RIMS2: variants seen among roughly 807,000 people sequenced by gnomAD.
RIMS2 encodes the protein regulating synaptic membrane exocytosis protein 2.
In RIMS2, 59 loss-of-function variants were observed where a neutral mutation model predicts 174.4. That is an observed-to-expected ratio of 0.34 (90% CI 0.27 to 0.42). RIMS2 has a LOEUF of 0.42. Among genes scored for constraint, RIMS2 ranks in the 10% least tolerant of loss-of-function variants. RIMS2 has a pLI of 1.00. For synonymous variants in RIMS2, 606 were observed against 572.5 expected (o/e 1.06, Z -0.84); for missense variants, 1,620 against 1,666.3 (o/e 0.97, Z 0.48).
rs117032277 is a variant in RIMS2, at chr8:104,137,231, G to C, written c.3335-107685G>C. Among the ~76,000 whole-genome samples the C allele has an allele frequency of 3.1e-4, 47 of 152,186 alleles. No individual in the cohort carries two copies. The East Asian group carries it at 9.1e-3, about 29-fold the overall frequency. On this transcript the variant is annotated intron_variant, in intron 19 of 23. Coordinates refer to ENST00000504942, the Ensembl canonical transcript of RIMS2. ...CTGCTTCTTCAAATAAATCTAATAA[G>C]TTTGTTTATATTTTTAGTAAAGCCT...
At chr8:103,716,992 C>T (rs929229353) in intron 2 of RIMS2, among the ~76,000 whole-genome samples, 1 of 151,888 alleles carries the variant, frequency 6.6e-6, no homozygotes, top group Non-Finnish European at 1.5e-5. Context: ...CTGATGACTC[C>T]CTGCAAATAT....
chr8:103,771,433 A>G (rs1462788260), intron 3 of RIMS2, among the ~76,000 whole-genome samples: 1 of 152,180 alleles, frequency 6.6e-6, no homozygotes, highest in East Asian at 1.9e-4. Context: ...AGTGAAATGT[A>G]GGAAAGTTTA....
intron 17 of RIMS2, among the ~76,000 whole-genome samples, chr8:103,994,687 A>G (rs545360204): frequency 2.0e-5 from 3 of 152,290 alleles, no homozygotes; most frequent in Admixed American, 1.3e-4. Flanking sequence ...CTAAAACACA[A>G]TGGTAAATTT....
intron 17 of RIMS2, among the ~76,000 whole-genome samples, chr8:104,009,607 A>T (rs1202059856): frequency 6.6e-6 from 1 of 152,066 alleles, no homozygotes; most frequent in African/African-American, 2.4e-5. Flanking sequence ...TCTGCTATTG[A>T]TCAGCTTATT....
chr8:103,606,279 AG>A (rs1256068766), intron 1 of RIMS2, among the ~76,000 whole-genome samples: 3 of 149,812 alleles, frequency 2.0e-5, no homozygotes, highest in Non-Finnish European at 4.4e-5. Flanking sequence ...ATTCAGGAGC[AG>A]GTTGTTCAGT....
At chr8:103,514,020 A>C (rs756129367) in intron 1 of RIMS2, among the ~76,000 whole-genome samples, 2 of 112,344 alleles carry the variant, frequency 1.8e-5, no homozygotes, top group East Asian at 5.6e-4. Context: ...ATTGCCAGCT[A>C]CATGCAGCCT....
chr8:103,594,891 A>C (rs7813485), intron 1 of RIMS2, among the ~76,000 whole-genome samples: 27 of 151,640 alleles, frequency 1.8e-4, no homozygotes, highest in Non-Finnish European at 3.7e-4. Context: ...GAGAAAGTCC[A>C]TGAAACCTGG....
At chr8:103,728,750 T>A in intron 2 of RIMS2, among the ~76,000 whole-genome samples, 1 of 62,266 alleles carries the variant, frequency 1.6e-5, no homozygotes, top group Non-Finnish European at 3.4e-5. Context: ...TGCTCCTTCT[T>A]TTTTTTTTTT....
intron 6 of RIMS2, among the ~76,000 whole-genome samples, chr8:103,914,045 G>T (rs1026811201): frequency 6.6e-6 from 1 of 152,116 alleles, no homozygotes; most frequent in African/African-American, 2.4e-5. Context: ...TGAGAAATAG[G>T]CCCAGAAAGG....
At chr8:104,059,764 G>C (rs1366040891) in intron 19 of RIMS2, among the ~76,000 whole-genome samples, 1 of 151,924 alleles carries the variant, frequency 6.6e-6, no homozygotes, top group African/African-American at 2.4e-5. Context: ...AATTTATTGA[G>C]AGTTTTTAGC....
At chr8:104,151,558 ACT>A (rs2098689564) in intron 19 of RIMS2, among the ~76,000 whole-genome samples, 1 of 149,140 alleles carries the variant, frequency 6.7e-6, no homozygotes, top group South Asian at 2.2e-4. Flanking sequence ...ACGGAGCGAG[ACT>A]CTGTCCTGCA....
At chr8:103,526,132 G>A (rs1423390185) in intron 1 of RIMS2, among the ~76,000 whole-genome samples, 1 of 152,166 alleles carries the variant, frequency 6.6e-6, no homozygotes, top group Non-Finnish European at 1.5e-5. Flanking sequence ...TGAATTCATG[G>A]TCCACTGAAC....
intron 1 of RIMS2, among the ~76,000 whole-genome samples, chr8:103,662,309 A>G (rs954266966): frequency 6.6e-6 from 1 of 152,206 alleles, no homozygotes; most frequent in African/African-American, 2.4e-5. Flanking sequence ...TGTGCATCAT[A>G]TAGTAGTAGG....
At chr8:103,543,486 A>G (rs1843480426) in intron 1 of RIMS2, among the ~76,000 whole-genome samples, 1 of 152,210 alleles carries the variant, frequency 6.6e-6, no homozygotes, top group African/African-American at 2.4e-5. Context: ...GATATTTTTC[A>G]CAGAAGCAGA....
intron 4 of RIMS2, among the ~76,000 whole-genome samples, chr8:103,886,912 A>G (rs568317416): frequency 6.6e-6 from 1 of 151,840 alleles, no homozygotes; most frequent in Non-Finnish European, 1.5e-5. Context: ...CCATTTGCCA[A>G]TGTAAAAATT....
intron 3 of RIMS2, among the ~76,000 whole-genome samples, chr8:103,856,756 C>T (rs957580334): frequency 1.3e-5 from 2 of 152,004 alleles, no homozygotes; most frequent in Non-Finnish European, 2.9e-5. Flanking sequence ...TTGTTTGATT[C>T]GCCATCTTTC....
chr8:104,015,722 A>G (rs2154554231), intron 19 of RIMS2, among the ~76,000 whole-genome samples: 1 of 152,226 alleles, frequency 6.6e-6, no homozygotes, highest in African/African-American at 2.4e-5. Context: ...GCTCTTTCAT[A>G]AAATTTTTAT....
chr8:104,186,176 G>A (rs970349620), intron 19 of RIMS2, among the ~76,000 whole-genome samples: 1 of 151,700 alleles, frequency 6.6e-6, no homozygotes, highest in Non-Finnish European at 1.5e-5. Flanking sequence ...ATAAATGGGA[G>A]CTAACTAATA....
At chr8:103,735,715 C>G (rs2097676877) in intron 2 of RIMS2, among the ~76,000 whole-genome samples, 1 of 152,114 alleles carries the variant, frequency 6.6e-6, no homozygotes, top group South Asian at 2.1e-4. Context: ...TTGATGATTT[C>G]AGGTTTCTTG....
Sources: gnomAD v4.1 joint callset for allele counts (sites outside exome capture counted in the v4.1 genomes callset) on GRCh38, gnomAD v4.1.1 for gene constraint, MANE v1.5 for transcripts, NCBI Gene and HGNC (gene_info 2026-07-23, HGNC 2026-07-21) for gene names.